Variants in NTM observed in about 807,000 individuals in gnomAD.
NTM encodes the protein neurotrimin.
A neutral mutation model predicts 42.1 loss-of-function variants in NTM; 13 were observed. The observed-to-expected ratio is 0.31, with a 90% CI of 0.20 to 0.49. The LOEUF (loss-of-function observed/expected upper bound fraction) is 0.49. NTM is among the 20% of genes least tolerant of loss of function. The pLI is 0.99. For missense variants in NTM, 373 were observed against 452.8 expected (o/e 0.82, Z 1.60); for synonymous variants, 187 against 179.2 (o/e 1.04, Z -0.35).
intron 1 of NTM, among the ~76,000 whole-genome samples, chr11:131,697,475 G>A (rs915097661): frequency 1.3e-5 from 2 of 152,140 alleles, no homozygotes; most frequent in African/African-American, 4.8e-5. Context: ...TCACTTCTCA[G>A]CCCTCTTTCT....
chr11:132,015,565 T>C lies in NTM; in HGVS notation c.167+103917T>C, dbSNP rs186489304. Among the ~76,000 whole-genome samples the C allele has an allele frequency of 5.4e-3, 814 of 151,956 alleles. 9 individuals carry two copies. Among genetic ancestry groups the C allele is most frequent in the African/African-American group, 0.019 (776 of 41,536 alleles). On this transcript the variant is annotated intron_variant, in intron 2 of 8. Transcript: ENST00000683400. ...CATTTGTTTCTGACATCTTTAACTT[T>C]TTTTTGTCAGTGTTTTGTAGTTTTC...
chr11:131,537,109 C>T (rs1443301674), intron 1 of NTM: 3 of 150,786 alleles, frequency 2.0e-5, no homozygotes, highest in Non-Finnish European at 4.4e-5. Context: ...CTGGGTGCCT[C>T]TCTTGCTGAG....
chr11:132,216,022 T>C (rs1232332114), intron 4 of NTM, among the ~76,000 whole-genome samples: 3 of 152,354 alleles, frequency 2.0e-5, no homozygotes, highest in Admixed American at 1.3e-4. Context: ...GGCAGCCAAC[T>C]GCCCACTGTG....
At chr11:131,847,335 A>G (rs935759942) in intron 1 of NTM, among the ~76,000 whole-genome samples, 44 of 152,008 alleles carry the variant, frequency 2.9e-4, no homozygotes, top group African/African-American at 1.1e-3. Flanking sequence ...AATTCTTATT[A>G]AATTCTAATA....
At chr11:131,553,787 T>C (rs2055023861) in intron 1 of NTM, among the ~76,000 whole-genome samples, 1 of 152,202 alleles carries the variant, frequency 6.6e-6, no homozygotes, top group Non-Finnish European at 1.5e-5. Flanking sequence ...AGTTATATCA[T>C]AGTTGTAAGA....
intron 1 of NTM, among the ~76,000 whole-genome samples, chr11:131,862,342 A>G (rs1196043745): frequency 6.6e-6 from 1 of 152,204 alleles, no homozygotes; most frequent in Non-Finnish European, 1.5e-5. Context: ...AAAGAAAGCC[A>G]TCAGACAAGA....
chr11:131,721,046 C>T (rs1506663), intron 1 of NTM, among the ~76,000 whole-genome samples: 27,478 of 151,730 alleles, frequency 0.18, 2,577 homozygotes, highest in Middle Eastern at 0.23. Flanking sequence ...CTATGAAAAA[C>T]TATTGCACAT....
chr11:132,023,620 T>C (rs2074695241), intron 2 of NTM, among the ~76,000 whole-genome samples: 2 of 152,152 alleles, frequency 1.3e-5, no homozygotes, highest in South Asian at 2.1e-4. Flanking sequence ...CTCTGTCCGA[T>C]AGGATTATTC....
In NTM at chr11:132,003,260, T is replaced by TC. The variant is rs995913605; in HGVS notation, c.167+91612_167+91613insC. Among the ~76,000 whole-genome samples the TC allele has an allele frequency of 7.2e-5, 11 of 152,008 alleles. No homozygotes were observed. Among genetic ancestry groups the TC allele is most frequent in the African/African-American group, 2.7e-4 (11 of 41,438 alleles). On this transcript the variant is annotated intron_variant, in intron 2 of 8. Coordinates refer to ENST00000683400, the MANE Select transcript of NTM (RefSeq NM_001352005.2). This position sits in a 1 kb window ranked among gnomAD's most constrained non-coding sequence, Gnocchi z 6.0. ...CACACCCTTAGAGTTTTTTTTTCTT[T>TC]TTTTTTTTTGACAGGTTATTTGTTG...
At chr11:132,308,662 G>A (rs1485375125) in intron 5 of NTM, among the ~76,000 whole-genome samples, 8 of 151,914 alleles carry the variant, frequency 5.3e-5, no homozygotes, top group Admixed American at 5.3e-4. Flanking sequence ...GTGGAGTTAG[G>A]AGAAGGATAC....
intron 4 of NTM, among the ~76,000 whole-genome samples, chr11:132,262,575 T>A (rs2092927408): frequency 6.6e-6 from 1 of 152,158 alleles, no homozygotes; most frequent in South Asian, 2.1e-4. Flanking sequence ...GATCATCTCT[T>A]TTTTTATCTA....
chr11:131,799,079 CT>C (rs1397058182), intron 1 of NTM, among the ~76,000 whole-genome samples: 1 of 152,196 alleles, frequency 6.6e-6, no homozygotes, highest in African/African-American at 2.4e-5. Flanking sequence ...AAAGCACTTT[CT>C]TGTTTAATTG....
In NTM at chr11:131,925,857, C is replaced by T. The variant is rs528819177; in HGVS notation, c.167+14209C>T. Reference sequence around the variant, plus strand: ...GACACGGGGCAAGATTCAGGTGCCTCGATTCCACCTTTTGTAATTCAGGGG... The same window carrying T: ...GACACGGGGCAAGATTCAGGTGCCTTGATTCCACCTTTTGTAATTCAGGGG... On this transcript the variant is annotated intron_variant, in intron 2 of 8. Coordinates refer to ENST00000683400, the MANE Select transcript of NTM (RefSeq NM_001352005.2). 8.5e-5 allele frequency among the ~76,000 whole-genome samples: 13 copies of T among 152,234 alleles called. No homozygotes were observed. The South Asian group carries it at 1.4e-3, about 17-fold the overall frequency.
At position 131,516,386 on chromosome 11, in the gene NTM, A is replaced by G. The variant is rs1034004211; in HGVS notation, c.82+145498A>G. ...AGTTGACCCTGACCCTTTTCTTTTT[A>G]TTTTTTTATTAGATGGAGTTTCACT... On this transcript the variant is annotated intron_variant, in intron 1 of 8. Transcript: ENST00000683400. Among the ~76,000 whole-genome samples, 44 of 151,772 alleles carry G rather than the reference A, an allele frequency of 2.9e-4. 1 individual carries two copies. The highest frequency in any genetic ancestry group is 1.3e-3 in the Admixed American group (20 of 15,238).
intron 1 of NTM, among the ~76,000 whole-genome samples, chr11:131,756,270 A>C (rs1050021343): frequency 6.6e-6 from 1 of 152,158 alleles, no homozygotes; most frequent in Non-Finnish European, 1.5e-5. Context: ...CTCCAGACAA[A>C]TTGGAAGGGA....
In NTM at chr11:131,563,746, A is replaced by G. The variant is rs80096034; in HGVS notation, c.82+192858A>G. Among the ~76,000 whole-genome samples, 15 of 152,156 alleles carry G rather than the reference A, an allele frequency of 9.9e-5. No individual in the cohort carries two copies. The East Asian group carries it at 2.7e-3, about 27-fold the overall frequency. ...TGTGTCAAATGAACCCCCTTCCCTA[A>G]GACAATGGCCTGTGCTTTTTATGGT... On this transcript the variant is annotated intron_variant, in intron 1 of 8. Transcript: ENST00000683400.
At chr11:131,713,735 C>G (rs1017348690) in intron 1 of NTM, among the ~76,000 whole-genome samples, 3 of 152,160 alleles carry the variant, frequency 2.0e-5, no homozygotes, top group Admixed American at 6.5e-5. Flanking sequence ...AGGTCTGCAG[C>G]AACCTCAATT....
chr11:131,402,066 C>T (rs1421229495), intron 1 of NTM, among the ~76,000 whole-genome samples: 3 of 150,928 alleles, frequency 2.0e-5, no homozygotes, highest in Non-Finnish European at 4.4e-5. Flanking sequence ...AGATGTAGTG[C>T]CAATTTTGGA....
intron 2 of NTM, among the ~76,000 whole-genome samples, chr11:132,000,642 G>T (rs979121861): frequency 2.0e-5 from 3 of 152,148 alleles, no homozygotes; most frequent in African/African-American, 7.2e-5. Context: ...ATAAAAGTCT[G>T]CTTTGATCGT....
Sources: gnomAD v4.1 joint callset for allele counts (sites outside exome capture counted in the v4.1 genomes callset) on GRCh38, gnomAD v4.1.1 for gene constraint, Gnocchi (gnomAD v3.1) non-coding constraint, MANE v1.5 for transcripts, NCBI Gene and HGNC (gene_info 2026-07-23, HGNC 2026-07-21) for gene names.